The following ZNF566 variants were observed in gnomAD, a reference collection of about 807,000 sequenced individuals.
ZNF566 encodes zinc finger protein 566.
Under a neutral mutation model 32.8 loss-of-function variants are expected in ZNF566, and 27 were observed. The ratio of observed to expected loss-of-function variants is 0.82; its 90% CI spans 0.61 to 1.14. The LOEUF is 1.14. Ranked by LOEUF, ZNF566 falls within the 50% of genes most tolerant of loss-of-function variation. The pLI, the probability that ZNF566 is intolerant of heterozygous loss-of-function variation, is 0.00. For missense variants in ZNF566, 402 were observed against 490.4 expected, an observed-to-expected ratio of 0.82 and a Z score of 1.70; for synonymous variants, 154 against 159.5, an observed-to-expected ratio of 0.97 and a Z score of 0.26.
Position 36,449,066 on chromosome 19 carries a change from T to C in ZNF566, c.1168A>G (p.Thr390Ala), listed in dbSNP as rs2033069301. ...SQLISHHRIH[T>A]SEKPYEYREC... is the part of the protein sequence containing the mutation. Reference sequence around the variant, plus strand: ...CTATATTCATAGGGTTTCTCACTAGTATGAATTCTATGATGACTAATAAGC... The same window carrying C: ...CTATATTCATAGGGTTTCTCACTAGCATGAATTCTATGATGACTAATAAGC... The change falls in exon 5 of 5, where the codon ACT (threonine) becomes GCT (alanine). Residue 390 changes from threonine (T) to alanine (A), a missense_variant. Physicochemically the swap from Thr to Ala is moderately conservative, Grantham distance 58. This residue lies in a region of ZNF566 where 47 missense variants were observed against 38.5 expected (regional missense o/e 1.22). Coordinates refer to ENST00000452939, the MANE Select transcript of ZNF566 (RefSeq NM_001145344.1). 2.5e-6 allele frequency: 4 copies of C among 1,613,856 alleles called. No homozygotes were observed. In the Admixed American group the frequency reaches 6.7e-5, roughly 27 times the overall value.
At chr19:36,478,379 C>T (rs1242539088) in intron 1 of ZNF566, among the ~76,000 whole-genome samples, 1 of 151,952 alleles carries the variant, frequency 6.6e-6, no homozygotes, top group African/African-American at 2.4e-5. Flanking sequence ...TTCTATATTC[C>T]TCATTTTAAG....
intron 1 of ZNF566, among the ~76,000 whole-genome samples, chr19:36,488,952 A>T (rs1296715823): frequency 6.8e-6 from 1 of 148,044 alleles, no homozygotes; most frequent in Non-Finnish European, 1.5e-5. Flanking sequence ...ACAGGGTCGC[A>T]CACGCAGGGC....
At chr19:36,451,361 T>C (rs921940423) in intron 4 of ZNF566, among the ~76,000 whole-genome samples, 3 of 152,152 alleles carry the variant, frequency 2.0e-5, no homozygotes. Flanking sequence ...TGTTTGGGGT[T>C]TGATGAAAAT....
chr19:36,473,242 T>C, intron 3 of ZNF566, 90 bp downstream of exon 3: 1 of 1,488,096 alleles, frequency 6.7e-7, no homozygotes, highest in Middle Eastern at 1.8e-4. Context: ...AAAATTCGAC[T>C]GGTTTTTGAA....
At chr19:36,476,023 T>C (rs939328454) in intron 2 of ZNF566, 10 of 152,158 alleles carry the variant, frequency 6.6e-5, no homozygotes, top group African/African-American at 2.4e-4. Flanking sequence ...TATAAATTTT[T>C]TTCTGGGCAC....
intron 1 of ZNF566, among the ~76,000 whole-genome samples, chr19:36,482,522 C>G (rs976155497): frequency 2.0e-5 from 3 of 151,336 alleles, no homozygotes; most frequent in Non-Finnish European, 4.4e-5. Context: ...AAAAAACATA[C>G]TGAAAAGAGT....
intron 4 of ZNF566, among the ~76,000 whole-genome samples, chr19:36,470,075 C>T (rs2033724833): frequency 6.6e-6 from 1 of 152,170 alleles, no homozygotes; most frequent in South Asian, 2.1e-4. Context: ...CCTTGCCATA[C>T]CTTCTCCTGC....
At chr19:36,472,385 C>T (rs140155890) in intron 4 of ZNF566, among the ~76,000 whole-genome samples, 11 of 152,304 alleles carry the variant, frequency 7.2e-5, no homozygotes, top group African/African-American at 1.9e-4. Context: ...AGTACTTCTA[C>T]TAGGCAGTAA....
chr19:36,461,304 G>C (rs1244650344), intron 4 of ZNF566, among the ~76,000 whole-genome samples: 1 of 152,194 alleles, frequency 6.6e-6, no homozygotes, highest in African/African-American at 2.4e-5. Flanking sequence ...GATACACCCT[G>C]AGTTACTAGG....
intron 1 of ZNF566, among the ~76,000 whole-genome samples, chr19:36,487,841 G>A (rs1022560893): frequency 1.4e-5 from 2 of 138,926 alleles, no homozygotes; most frequent in Non-Finnish European, 3.0e-5. Flanking sequence ...AGGTTGCAGT[G>A]AGCCAAGATT....
At chr19:36,477,307 G>C (rs926368995) in intron 1 of ZNF566, among the ~76,000 whole-genome samples, 2 of 151,990 alleles carry the variant, frequency 1.3e-5, no homozygotes, top group African/African-American at 4.8e-5. Flanking sequence ...ACCGCGCCTG[G>C]CCATAACTTT....
At chr19:36,450,978 T>A (rs567947173) in intron 4 of ZNF566, among the ~76,000 whole-genome samples, 2 of 152,384 alleles carry the variant, frequency 1.3e-5, no homozygotes, top group Non-Finnish European at 2.9e-5. Flanking sequence ...GCTAGCTACA[T>A]GTGGCTTTTA....
At position 36,446,632 on chromosome 19, in the gene ZNF566, A is replaced by C. The variant is rs1253105412; in HGVS notation, c.*2345T>G. On this transcript the variant is annotated 3_prime_UTR_variant, in exon 5 of 5. Coordinates refer to ENST00000452939, the MANE Select transcript of ZNF566 (RefSeq NM_001145344.1). ...AATTTTAGATGAAGAACTTTATAAAAGACATAAGCACACAAGAAAAGAAAG... is the reference window on the plus strand; with the variant it reads ...AATTTTAGATGAAGAACTTTATAAACGACATAAGCACACAAGAAAAGAAAG... The C allele has an allele frequency of 1.3e-5, 2 of 152,258 alleles. No homozygotes were observed. Among genetic ancestry groups the C allele is most frequent in the Non-Finnish European group, 2.9e-5 (2 of 68,042 alleles). The allele number at this position is 152,258 out of a possible 1,614,324, so 9.4% of individuals were successfully genotyped here.
At chr19:36,464,626 T>A (rs2033566835) in intron 4 of ZNF566, among the ~76,000 whole-genome samples, 1 of 152,000 alleles carries the variant, frequency 6.6e-6, no homozygotes, top group African/African-American at 2.4e-5. Flanking sequence ...ACAAAAAATA[T>A]GAAAAGTTAG....
chr19:36,454,290 C>T (rs1255908685), intron 4 of ZNF566, among the ~76,000 whole-genome samples: 1 of 151,988 alleles, frequency 6.6e-6, no homozygotes, highest in African/African-American at 2.4e-5. Context: ...GAGAAAAACT[C>T]TCTAGTAGAT....
At chr19:36,488,814 G>T (rs1018098762) in intron 1 of ZNF566, among the ~76,000 whole-genome samples, 9 of 152,138 alleles carry the variant, frequency 5.9e-5, no homozygotes, top group Admixed American at 2.0e-4. Flanking sequence ...GGAAAAACTG[G>T]AGTATAATGC....
chr19:36,470,110 C>T (rs1416137832), intron 4 of ZNF566, among the ~76,000 whole-genome samples: 1 of 152,148 alleles, frequency 6.6e-6, no homozygotes, highest in Non-Finnish European at 1.5e-5. Context: ...TATCAGGGTG[C>T]TTCAGGTTTC....
intron 1 of ZNF566, among the ~76,000 whole-genome samples, chr19:36,486,690 TGAAA>T (rs1174436210): frequency 4.6e-4 from 51 of 109,790 alleles, no homozygotes; most frequent in South Asian, 2.8e-4. Flanking sequence ...AAAAAAAAAA[TGAAA>T]GAAAGAAAGA....
rs756397028 is a variant in ZNF566 at position 36,449,863 on chromosome 19, C to T, written c.371G>A (p.Cys124Tyr). The T allele has an allele frequency of 5.0e-5, 80 of 1,614,014 alleles. No homozygotes were observed. Among genetic ancestry groups the T allele is most frequent in the Non-Finnish European group, 6.1e-5 (72 of 1,180,020 alleles). ...QCSSFRDDWE[C>Y]NRQFKKELGS... is the part of the protein sequence containing the mutation. ...GAGTTCTTTCTTAAACTGCCGATTA[C>T]ATTCCCAATCATCTCTGAAACTGGA... Residue 124 changes from cysteine (C) to tyrosine (Y), a missense_variant, in exon 5 of 5, where the codon TGT becomes TAT. Coordinates refer to ENST00000452939, the MANE Select transcript of ZNF566 (RefSeq NM_001145344.1).
Sources: allele counts gnomAD v4.1 joint callset (sites outside exome capture counted in the v4.1 genomes callset), GRCh38; gene constraint gnomAD v4.1.1; regional missense constraint gnomAD v4.1.1; transcripts MANE v1.5; gene names NCBI Gene and HGNC (gene_info 2026-07-23, HGNC 2026-07-21).